CTBP1: variants seen among roughly 807,000 people sequenced by gnomAD.
CTBP1 encodes C-terminal-binding protein 1.
CTBP1 carries 11 observed loss-of-function variants against 42.1 expected under a neutral mutation model. The observed-to-expected ratio is 0.26, with a 90% confidence interval of 0.16 to 0.43. The LOEUF is 0.43. Ranked by LOEUF, CTBP1 falls within the 20% of genes least tolerant of loss-of-function variation. The probability of loss-of-function intolerance (pLI) is 1.00; values close to 1 mark genes in which losing one functional copy is unlikely to be tolerated. For synonymous variants in CTBP1, 324 were observed against 277.1 expected, an observed-to-expected ratio of 1.17 and a Z score of -1.68; for missense variants, 399 against 624.3, an observed-to-expected ratio of 0.64 and a Z score of 3.85.
At chr4:1,215,828 G>A in intron 6 of CTBP1, 163 bp downstream of exon 6, 3 of 678,986 alleles carry the variant, frequency 4.4e-6, no homozygotes, top group Non-Finnish European at 7.5e-6. Flanking sequence ...ACGCTGTCTG[G>A]GCAGACAGGG....
chr4:1,246,624 G>A (rs1027408870), intron 1 of CTBP1, among the ~76,000 whole-genome samples: 3 of 152,210 alleles, frequency 2.0e-5, no homozygotes, highest in Non-Finnish European at 2.9e-5. Flanking sequence ...TGACACCACC[G>A]TCAGCTCAGA....
At chr4:1,243,917 G>A (rs1260600550) in intron 1 of CTBP1, 2 of 985,360 alleles carry the variant, frequency 2.0e-6, no homozygotes, top group East Asian at 1.1e-4. Context: ...TTAACCTCAT[G>A]TTGTAAGAAA....
At chr4:1,248,226 G>A (rs984857464) in intron 1 of CTBP1, among the ~76,000 whole-genome samples, 2 of 151,896 alleles carry the variant, frequency 1.3e-5, no homozygotes, top group East Asian at 3.9e-4. Context: ...GCCCAGGCAA[G>A]GGCAGGTGGG....
At chr4:1,242,956 C>T (rs940308383) in intron 1 of CTBP1, 2 of 985,250 alleles carry the variant, frequency 2.0e-6, no homozygotes, top group Non-Finnish European at 2.4e-6. Context: ...TCAATGCCAG[C>T]CGATACTCAT....
intron 3 of CTBP1, among the ~76,000 whole-genome samples, chr4:1,228,720 A>AG (rs3836584): frequency 1.3e-5 from 2 of 151,642 alleles, no homozygotes; most frequent in Admixed American, 6.6e-5. Flanking sequence ...AGGACACAGG[A>AG]GGGGGGGTGC....
intron 3 of CTBP1, chr4:1,237,761 A>G (rs1731705284): frequency 1.4e-6 from 1 of 699,510 alleles, no homozygotes; most frequent in Admixed American, 2.0e-5. Flanking sequence ...CCACCTCCTG[A>G]TGGGGCTCAG....
Position 1,235,861 on chromosome 4 carries a change from C to T in CTBP1, c.162+2322G>A, listed in dbSNP as rs956740167. On this transcript the variant is annotated intron_variant, in intron 3 of 9. Transcript: ENST00000382952. The surrounding 1 kb of genome is among the most constrained non-coding windows in gnomAD (Gnocchi z 4.2). ...TGACGCTGTCTTCCTCTAAAGGGGCCGTCTTACTTCTTTTGCCAGGCACCT... is the reference window on the plus strand; with the variant it reads ...TGACGCTGTCTTCCTCTAAAGGGGCTGTCTTACTTCTTTTGCCAGGCACCT... The T allele has an allele frequency of 3.9e-5, 6 of 152,208 alleles. No individual in the cohort carries two copies. The highest frequency in any genetic ancestry group is 7.2e-5 in the African/African-American group (3 of 41,444). 9.4% of individuals were successfully genotyped at this position (152,208 alleles called of 1,614,324 possible). A position where few individuals can be genotyped will look rare whatever the true frequency, so the allele number is the denominator to read the frequency against.
chr4:1,224,373 T>C (rs1170207928), intron 5 of CTBP1, among the ~76,000 whole-genome samples: 2 of 151,796 alleles, frequency 1.3e-5, no homozygotes, highest in African/African-American at 4.8e-5. Flanking sequence ...GTGATGTCCG[T>C]GTGATGTCTA....
At chr4:1,220,281 A>G (rs1435435366) in intron 5 of CTBP1, among the ~76,000 whole-genome samples, 2 of 151,264 alleles carry the variant, frequency 1.3e-5, no homozygotes, top group Non-Finnish European at 2.9e-5. Context: ...ACAGAGCAAG[A>G]CTGTCTCCAA....
chr4:1,242,938 G>A (rs1051934845), intron 1 of CTBP1: 36 of 984,398 alleles, frequency 3.7e-5, no homozygotes, highest in South Asian at 4.7e-5. Context: ...AACGCCAGCC[G>A]ATACTCATCA....
intron 1 of CTBP1, among the ~76,000 whole-genome samples, chr4:1,247,775 G>GGC (rs1553852083): frequency 5.3e-5 from 8 of 151,326 alleles, no homozygotes; most frequent in Non-Finnish European, 3.0e-5. Flanking sequence ...GGAGGGGGGG[G>GGC]GGGCTCGGGC....
intron 4 of CTBP1, among the ~76,000 whole-genome samples, chr4:1,225,856 C>T (rs1330006630): frequency 6.6e-6 from 1 of 151,988 alleles, no homozygotes; most frequent in African/African-American, 2.4e-5. Context: ...TGACCCCTCC[C>T]GACTCAGCGC....
intron 3 of CTBP1, chr4:1,237,133 G>A: frequency 4.6e-6 from 3 of 657,388 alleles, no homozygotes; most frequent in South Asian, 1.6e-5. Context: ...ACCTCCTGAT[G>A]GGGCACAGGG....
chr4:1,216,375 C>G, intron 5 of CTBP1, 170 bp from the exon 6 acceptor site: 1 of 666,708 alleles, frequency 1.5e-6, no homozygotes, highest in African/African-American at 1.8e-5. Flanking sequence ...GAGCGCTCCA[C>G]GTCCGCTCCA....
rs1382784979 is a variant in CTBP1 at position 1,238,058 on chromosome 4, G to C, written c.162+125C>G. 9.3e-6 allele frequency: 12 copies of C among 1,293,838 alleles called. No homozygotes were observed. Among genetic ancestry groups the C allele is most frequent in the Non-Finnish European group, 1.3e-5 (12 of 898,134 alleles). The allele number at this position is 1,293,838 out of a possible 1,614,324, so 80.1% of individuals were successfully genotyped here. On this transcript the variant is annotated intron_variant, in intron 3 of 9. Transcript: ENST00000382952. This position sits in a 1 kb window ranked among gnomAD's most constrained non-coding sequence, Gnocchi z 5.9. ...ACCTCCTGACGGCGCGGGACGACTG[G>C]GACAGAGGCTGCTCCTGCCCCAGTG...
At chr4:1,232,556 C>T (rs2108768924) in intron 3 of CTBP1, among the ~76,000 whole-genome samples, 1 of 152,334 alleles carries the variant, frequency 6.6e-6, no homozygotes, top group East Asian at 1.9e-4. Context: ...AAGTGATCCA[C>T]CCGCCTCAGC....
intron 1 of CTBP1, among the ~76,000 whole-genome samples, chr4:1,248,159 G>C (rs1732940271): frequency 6.6e-6 from 1 of 151,998 alleles, no homozygotes; most frequent in Admixed American, 6.5e-5. Flanking sequence ...GCGCCCGCCC[G>C]TGCTCCCTGC....
At position 1,233,381 on chromosome 4, in the gene CTBP1, C is replaced by G. The variant is rs747804351; in HGVS notation, c.162+4802G>C. ...GAGCTTTCTGGTGGCCTCCCCACCC[C>G]CAAGGCGTGGAGATGCTTGTCTTGC... On this transcript the variant is annotated intron_variant, in intron 3 of 9. Coordinates refer to ENST00000382952, the MANE Select transcript of CTBP1 (RefSeq NM_001012614.2). This position sits in a 1 kb window ranked among gnomAD's most constrained non-coding sequence, Gnocchi z 4.6. 1.8e-4 allele frequency among the ~76,000 whole-genome samples: 27 copies of G among 152,218 alleles called. No individual in the cohort carries two copies. Among genetic ancestry groups the G allele is most frequent in the Non-Finnish European group, 2.9e-4 (20 of 68,036 alleles).
At chr4:1,242,009 G>A (rs914146935) in intron 1 of CTBP1, 35 of 1,000,880 alleles carry the variant, frequency 3.5e-5, no homozygotes, top group Non-Finnish European at 3.9e-5. Context: ...AGGTGCTGCT[G>A]GCTTTCCAGC....
Sources: allele counts gnomAD v4.1 joint callset (sites outside exome capture counted in the v4.1 genomes callset), GRCh38; gene constraint gnomAD v4.1.1; non-coding constraint Gnocchi (gnomAD v3.1); transcripts MANE v1.5; gene names NCBI Gene and HGNC (gene_info 2026-07-23, HGNC 2026-07-21).